INPP5D: variants seen among roughly 807,000 people sequenced by gnomAD.
INPP5D encodes the protein phosphatidylinositol 3,4,5-trisphosphate 5-phosphatase 1.
In INPP5D, 33 loss-of-function variants were observed where a neutral mutation model predicts 122.9. The observed-to-expected ratio is 0.27, with a 90% CI of 0.20 to 0.36. INPP5D has a LOEUF of 0.36. Among genes scored for constraint, INPP5D ranks in the 10% least tolerant of loss-of-function variants. The probability of loss-of-function intolerance (pLI) is 1.00; values close to 1 mark genes in which losing one functional copy is unlikely to be tolerated. For synonymous variants in INPP5D, 584 were observed against 576.2 expected, an observed-to-expected ratio of 1.01 and a Z score of -0.19; for missense variants, 1,053 against 1,412.7, an observed-to-expected ratio of 0.75 and a Z score of 4.08.
chr2:233,070,946 A>G (rs1691364451), intron 1 of INPP5D, among the ~76,000 whole-genome samples: 1 of 151,982 alleles, frequency 6.6e-6, no homozygotes, highest in Non-Finnish European at 1.5e-5. Flanking sequence ...TGAACCATTT[A>G]ATCTCTCTGG....
chr2:233,169,225 C>T, intron 13 of INPP5D, 80 bp from the exon 14 acceptor site: 1 of 1,540,460 alleles, frequency 6.5e-7, no homozygotes, highest in Admixed American at 2.0e-5. Context: ...CCCCTCTCAC[C>T]CTGCCTTCGG....
chr2:233,062,256 G>A (rs530786036), intron 1 of INPP5D, among the ~76,000 whole-genome samples: 1 of 152,196 alleles, frequency 6.6e-6, no homozygotes, highest in Non-Finnish European at 1.5e-5. Flanking sequence ...CTTCAACACA[G>A]CCCTTTGACC....
chr2:233,154,020 G>T (rs978657613), intron 9 of INPP5D, among the ~76,000 whole-genome samples: 11 of 152,334 alleles, frequency 7.2e-5, no homozygotes, highest in Middle Eastern at 3.4e-3. Context: ...AGACCACCCT[G>T]CGGAGAAGCC....
chr2:233,161,691 C>A (rs553129476), intron 10 of INPP5D, 33 bp from the exon 11 acceptor site: 6 of 1,593,506 alleles, frequency 3.8e-6, no homozygotes, highest in Non-Finnish European at 5.1e-6. Flanking sequence ...GAGGCAGAGG[C>A]CTTTCTAAGT....
At chr2:233,158,503 G>A (rs1694115239) in intron 10 of INPP5D, 84 bp downstream of exon 10, 1 of 605,578 alleles carries the variant, frequency 1.7e-6, no homozygotes, top group Admixed American at 2.8e-5. Flanking sequence ...GCCAGGGAGT[G>A]TATCATTAGC....
chr2:233,184,772 G>T (rs1201793307), intron 20 of INPP5D, among the ~76,000 whole-genome samples: 1 of 152,164 alleles, frequency 6.6e-6, no homozygotes, highest in Non-Finnish European at 1.5e-5. Flanking sequence ...CTTGTAGGTG[G>T]CAAGCAGGGT....
chr2:233,095,888 T>C (rs2106227694), intron 2 of INPP5D, among the ~76,000 whole-genome samples: 1 of 152,316 alleles, frequency 6.6e-6, no homozygotes, highest in South Asian at 2.1e-4. Context: ...TTCAAATGTT[T>C]TATATATTTA....
At position 233,164,715 on chromosome 2, in the gene INPP5D, G is replaced by A. The variant is rs112279046; in HGVS notation, c.1555+291G>A. On this transcript the variant is annotated intron_variant, in intron 13 of 26. Transcript: ENST00000445964. This position sits in a 1 kb window ranked among gnomAD's most constrained non-coding sequence, Gnocchi z 4.3. The stretch of plus-strand genomic sequence containing the variant: ...TGACAGGTTCCCAGGCGACTTGAGC[G>A]CTGCTGGTCGGCCCGTGGGACCCAT... 3.9e-5 allele frequency among the ~76,000 whole-genome samples: 6 copies of A among 152,172 alleles called. No homozygotes were observed. Among genetic ancestry groups the A allele is most frequent in the African/African-American group, 7.2e-5 (3 of 41,420 alleles).
At chr2:233,102,791 A>G (rs960523537) in intron 2 of INPP5D, among the ~76,000 whole-genome samples, 7 of 149,050 alleles carry the variant, frequency 4.7e-5, no homozygotes, top group Non-Finnish European at 1.0e-4. Context: ...CGGAGCTTGC[A>G]GTGAGCCCAG....
rs556058719 is a variant in INPP5D, at chr2:233,089,031, A to G, written c.198+9633A>G. Among the ~76,000 whole-genome samples the G allele has an allele frequency of 2.6e-5, 4 of 152,292 alleles. No individual in the cohort carries two copies. The South Asian group carries it at 8.3e-4, about 32-fold the overall frequency. On this transcript the variant is annotated intron_variant, in intron 2 of 26. Coordinates refer to ENST00000445964, the MANE Select transcript of INPP5D (RefSeq NM_001017915.3). ...AGCATTACAGCCGTATGTCCCGACT[A>G]TATTCCTTAAGGGTCAGGGGTTGTC...
chr2:233,126,645 C>A (rs112333801), intron 4 of INPP5D, among the ~76,000 whole-genome samples: 14 of 152,246 alleles, frequency 9.2e-5, no homozygotes, highest in African/African-American at 3.4e-4. Flanking sequence ...ATAGGCCAGA[C>A]GCGGTGGCTC....
chr2:233,167,671 G>C (rs1419361841), intron 13 of INPP5D, among the ~76,000 whole-genome samples: 1 of 152,124 alleles, frequency 6.6e-6, no homozygotes, highest in Non-Finnish European at 1.5e-5. Flanking sequence ...TGATATCCAG[G>C]GGTCCCTTCA....
intron 1 of INPP5D, among the ~76,000 whole-genome samples, chr2:233,062,285 G>A (rs894871027): frequency 1.3e-5 from 2 of 152,210 alleles, no homozygotes; most frequent in African/African-American, 4.8e-5. Flanking sequence ...CTTTGTGGTT[G>A]CTCAGGTTAC....
At chr2:233,114,004 G>A (rs978535228) in intron 2 of INPP5D, among the ~76,000 whole-genome samples, 13 of 148,988 alleles carry the variant, frequency 8.7e-5, no homozygotes, top group African/African-American at 1.3e-4. Context: ...TCCGCCTCCC[G>A]GGTTCACGCC....
At chr2:233,101,509 T>C (rs1193282749) in intron 2 of INPP5D, among the ~76,000 whole-genome samples, 1 of 148,996 alleles carries the variant, frequency 6.7e-6, no homozygotes, top group African/African-American at 2.4e-5. Context: ...TATTTATAAG[T>C]TATTTTATAA....
At chr2:233,111,412 C>G (rs1692625523) in intron 2 of INPP5D, among the ~76,000 whole-genome samples, 1 of 152,222 alleles carries the variant, frequency 6.6e-6, no homozygotes, top group Non-Finnish European at 1.5e-5. Context: ...AGGCTCAATC[C>G]AGGATGATGT....
At chr2:233,107,197 T>C (rs1692492098) in intron 2 of INPP5D, among the ~76,000 whole-genome samples, 1 of 152,102 alleles carries the variant, frequency 6.6e-6, no homozygotes, top group Non-Finnish European at 1.5e-5. Context: ...GCAGGGCTGC[T>C]GGTGGGTAGG....
chr2:233,169,816 A>C (rs1694444293), intron 14 of INPP5D: 2 of 806,708 alleles, frequency 2.5e-6, no homozygotes, highest in Non-Finnish European at 3.8e-6. Context: ...CCCTCTGTAC[A>C]CCCAATGTGG....
rs578166589 is a variant in INPP5D at position 233,064,057 on chromosome 2, G to A, written c.134+3445G>A. Among the ~76,000 whole-genome samples the A allele has an allele frequency of 2.1e-3, 320 of 152,376 alleles. 3 individuals are homozygous for A. The South Asian group carries it at 0.022, about 10-fold the overall frequency. Reference sequence around the variant, plus strand: ...CAAGGGTCCATGGGTTGGCCGAGCCGGCATCCCCTTGTGCAATCTGCACAG... The same window carrying A: ...CAAGGGTCCATGGGTTGGCCGAGCCAGCATCCCCTTGTGCAATCTGCACAG... On this transcript the variant is annotated intron_variant, in intron 1 of 26. Transcript: ENST00000445964.
Sources: allele counts gnomAD v4.1 joint callset (sites outside exome capture counted in the v4.1 genomes callset), GRCh38; gene constraint gnomAD v4.1.1; non-coding constraint Gnocchi (gnomAD v3.1); transcripts MANE v1.5; gene names NCBI Gene and HGNC (gene_info 2026-07-23, HGNC 2026-07-21).